The following WWOX variants were observed in gnomAD, a reference collection of about 807,000 sequenced individuals.
WWOX encodes the protein WW domain-containing oxidoreductase.
WWOX carries 69 observed loss-of-function variants against 46.2 expected under a neutral mutation model. That is an observed-to-expected ratio of 1.49 (90% CI 1.23 to 1.82). WWOX has a LOEUF of 1.82. Ranked by LOEUF, WWOX falls within the 40% of genes most tolerant of loss-of-function variation. The probability of loss-of-function intolerance (pLI) is 0.00; values close to 1 mark genes in which losing one functional copy is unlikely to be tolerated. For missense variants in WWOX, 919 were observed against 542.6 expected (o/e 1.69, Z -6.89); for synonymous variants, 359 against 202.6 (o/e 1.77, Z -6.56).
At chr16:78,837,945 G>C (rs988268992) in intron 8 of WWOX, among the ~76,000 whole-genome samples, 4 of 152,136 alleles carry the variant, frequency 2.6e-5, no homozygotes, top group Non-Finnish European at 4.4e-5. Context: ...GGCACAGAAA[G>C]CTTGAATGAG....
intron 8 of WWOX, among the ~76,000 whole-genome samples, chr16:78,740,715 G>T (rs896435204): frequency 2.0e-5 from 3 of 152,096 alleles, no homozygotes; most frequent in African/African-American, 7.2e-5. Flanking sequence ...AGTAATTGGG[G>T]CAAGGGAAGC....
intron 8 of WWOX, among the ~76,000 whole-genome samples, chr16:78,864,460 G>C (rs1028310315): frequency 6.6e-6 from 1 of 152,004 alleles, no homozygotes; most frequent in African/African-American, 2.4e-5. Flanking sequence ...GTAGAGGCAA[G>C]GTTTCTCCAT....
intron 7 of WWOX, among the ~76,000 whole-genome samples, chr16:78,425,987 A>T (rs192976781): frequency 1.8e-3 from 276 of 152,308 alleles, no homozygotes; most frequent in Non-Finnish European, 3.4e-3. Context: ...GAGAGAGACC[A>T]GCCAAGGGTT....
chr16:78,215,715 G>A (rs1324294940), intron 5 of WWOX, among the ~76,000 whole-genome samples: 2 of 152,050 alleles, frequency 1.3e-5, no homozygotes, highest in African/African-American at 2.4e-5. Flanking sequence ...ATCACTTGAG[G>A]TCAAGAGTTT....
chr16:78,649,667 C>T (rs2046922334), intron 8 of WWOX, among the ~76,000 whole-genome samples: 1 of 152,224 alleles, frequency 6.6e-6, no homozygotes. Flanking sequence ...ACTTATGACT[C>T]TGCCCCCTTT....
intron 8 of WWOX, among the ~76,000 whole-genome samples, chr16:79,111,347 A>G (rs971253589): frequency 2.6e-5 from 4 of 152,164 alleles, no homozygotes; most frequent in African/African-American, 9.7e-5. Context: ...AGAAAATCCA[A>G]CCAGTGTGTT....
At chr16:78,706,375 A>G (rs1168334659) in intron 8 of WWOX, among the ~76,000 whole-genome samples, 1 of 152,054 alleles carries the variant, frequency 6.6e-6, no homozygotes, top group East Asian at 1.9e-4. Context: ...GTTAAATTAG[A>G]TGCCTTCTCC....
At chr16:78,604,439 A>G (rs986198494) in intron 8 of WWOX, among the ~76,000 whole-genome samples, 1 of 152,126 alleles carries the variant, frequency 6.6e-6, no homozygotes, top group African/African-American at 2.4e-5. Flanking sequence ...TGATGCTGTG[A>G]GGGTGAGCAA....
intron 5 of WWOX, among the ~76,000 whole-genome samples, chr16:78,382,360 G>T (rs1308462421): frequency 1.3e-5 from 2 of 152,210 alleles, no homozygotes; most frequent in Admixed American, 6.5e-5. Flanking sequence ...ATGCCGTAGA[G>T]GCTGGCAGTG....
In WWOX at chr16:78,389,260, G is replaced by A. The variant is rs191830595; in HGVS notation, c.605+2312G>A. On this transcript the variant is annotated intron_variant, in intron 6 of 8. Coordinates refer to ENST00000566780, the MANE Select transcript of WWOX (RefSeq NM_016373.4). Reference sequence around the variant, plus strand: ...ACACTAGCATTCAAGACATTTGTTCGCTGATTTGCTTCGTCATTCATTTAT... The same window carrying A: ...ACACTAGCATTCAAGACATTTGTTCACTGATTTGCTTCGTCATTCATTTAT... 5.1e-3 allele frequency among the ~76,000 whole-genome samples: 780 copies of A among 152,280 alleles called. 3 individuals are homozygous for A. The highest frequency in any genetic ancestry group is 7.4e-3 in the Admixed American group (113 of 15,296).
intron 5 of WWOX, among the ~76,000 whole-genome samples, chr16:78,383,901 T>G (rs1272715931): frequency 6.6e-6 from 1 of 152,140 alleles, no homozygotes; most frequent in African/African-American, 2.4e-5. Context: ...TGTGACCCCT[T>G]TTTCCCTTAG....
chr16:78,584,786 C>G (rs749279052), intron 8 of WWOX, among the ~76,000 whole-genome samples: 11 of 152,236 alleles, frequency 7.2e-5, no homozygotes, highest in Non-Finnish European at 1.3e-4. Context: ...TTCCATTCAT[C>G]TGGTGATGTG....
At chr16:78,306,997 C>T (rs959722490) in intron 5 of WWOX, among the ~76,000 whole-genome samples, 10 of 152,138 alleles carry the variant, frequency 6.6e-5, no homozygotes, top group South Asian at 4.2e-4. Context: ...TTTCCTTCAA[C>T]GTTTCCTGTG....
At chr16:78,625,686 G>C (rs2046295385) in intron 8 of WWOX, among the ~76,000 whole-genome samples, 1 of 151,004 alleles carries the variant, frequency 6.6e-6, no homozygotes, top group Non-Finnish European at 1.5e-5. Context: ...ATACTCGGTT[G>C]GTGCAAAAGT....
At chr16:78,393,915 A>G (rs1447016445) in intron 6 of WWOX, among the ~76,000 whole-genome samples, 2 of 152,190 alleles carry the variant, frequency 1.3e-5, no homozygotes, top group Non-Finnish European at 2.9e-5. Flanking sequence ...TGGGAGGAAA[A>G]AAAATCTTTA....
At chr16:78,827,437 G>A (rs149184358) in intron 8 of WWOX, among the ~76,000 whole-genome samples, 223 of 149,150 alleles carry the variant, frequency 1.5e-3, no homozygotes, top group African/African-American at 5.1e-3. Context: ...GTGTAGTCTC[G>A]AAGGCTGTTT....
At position 79,212,115 on chromosome 16, in the gene WWOX, A is replaced by T. The variant is rs1484957849; in HGVS notation, c.*319A>T. The T allele has an allele frequency of 3.9e-6, 6 of 1,535,202 alleles. No individual in the cohort carries two copies. Among genetic ancestry groups the T allele is most frequent in the African/African-American group, 2.7e-5 (2 of 72,812 alleles). ...AAGCACCAGCAATTCTCTTTCTTTT[A>T]CTGTTATAGAATAGCCTGAGGTCCC... On this transcript the variant is annotated 3_prime_UTR_variant, in exon 9 of 9. Transcript: ENST00000566780.
chr16:78,501,825 A>C lies in WWOX; in HGVS notation c.1056+69073A>C, dbSNP rs532001011. Among the ~76,000 whole-genome samples the C allele has an allele frequency of 3.5e-3, 534 of 152,252 alleles. 2 individuals carry two copies. The highest frequency in any genetic ancestry group is 5.2e-3 in the Non-Finnish European group (353 of 68,014). On this transcript the variant is annotated intron_variant, in intron 8 of 8. Transcript: ENST00000566780. ...CTGCTGGAATCTGAGAAGTTACGTG[A>C]AACTAGCGATGCCCTGGGCTAATGA...
At chr16:78,967,460 T>TG (rs71140850) in intron 8 of WWOX, among the ~76,000 whole-genome samples, 15 of 2,866 alleles carry the variant, frequency 5.2e-3, no homozygotes, top group African/African-American at 9.9e-3. Flanking sequence ...ATTTTTGTGG[T>TG]TTTTTTTTTT....
Sources: gnomAD v4.1 joint callset for allele counts (sites outside exome capture counted in the v4.1 genomes callset) on GRCh38, gnomAD v4.1.1 for gene constraint, MANE v1.5 for transcripts, NCBI Gene and HGNC (gene_info 2026-07-23, HGNC 2026-07-21) for gene names.